Variants in FAM124B observed in about 807,000 individuals in gnomAD.
FAM124B encodes the protein family with sequence similarity 124 member B.
In FAM124B, 18 loss-of-function variants were observed where a neutral mutation model predicts 19.7. That is an observed-to-expected ratio of 0.92 (90% CI 0.63 to 1.36). The LOEUF (loss-of-function observed/expected upper bound fraction) is 1.36, where lower values mean the gene tolerates loss of function less well. Among genes scored for constraint, FAM124B ranks in the 40% most tolerant of loss-of-function variants. The pLI, the probability that FAM124B is intolerant of heterozygous loss-of-function variation, is 0.00. For missense variants in FAM124B, 540 were observed against 553.3 expected, an observed-to-expected ratio of 0.98 and a Z score of 0.24; for synonymous variants, 223 against 225.2, an observed-to-expected ratio of 0.99 and a Z score of 0.09.
chr2:224,400,419 T>C lies in FAM124B; in HGVS notation c.732+618A>G, dbSNP rs970948826. 1.0e-5 allele frequency: 7 copies of C among 693,240 alleles called. No homozygotes were observed. In the African/African-American group the frequency reaches 1.1e-4, roughly 10 times the overall value. 42.9% of individuals were successfully genotyped at this position (693,240 alleles called of 1,614,324 possible). Reference sequence around the variant, plus strand: ...TAATCAGGAGGCTAAGGCAGGAGGATCACTTGAACCCAGAAGGTGAAGACC... The same window carrying C: ...TAATCAGGAGGCTAAGGCAGGAGGACCACTTGAACCCAGAAGGTGAAGACC... On this transcript the variant is annotated intron_variant, in intron 1 of 1. Transcript: ENST00000409685.
chr2:224,384,086 G>C (rs914330580), intron 1 of FAM124B, among the ~76,000 whole-genome samples: 2 of 152,146 alleles, frequency 1.3e-5, no homozygotes, highest in African/African-American at 4.8e-5. Context: ...CCAGTGCCGA[G>C]ACATCTCAGG....
In FAM124B at chr2:224,393,299, G is replaced by A. The variant is rs114106938; in HGVS notation, c.732+7738C>T. On this transcript the variant is annotated intron_variant, in intron 1 of 1. Coordinates refer to ENST00000409685, the MANE Select transcript of FAM124B (RefSeq NM_001122779.2). ...CATCCCTATGATTAAGTCAGGAAAAGCCTCCAGAATGGATGGCCGGCAACC... is the reference window on the plus strand; with the variant it reads ...CATCCCTATGATTAAGTCAGGAAAAACCTCCAGAATGGATGGCCGGCAACC... Among the ~76,000 whole-genome samples, 384 of 152,308 alleles carry A rather than the reference G, an allele frequency of 2.5e-3. 4 individuals carry two copies. The highest frequency in any genetic ancestry group is 8.9e-3 in the African/African-American group (372 of 41,574).
intron 1 of FAM124B, among the ~76,000 whole-genome samples, chr2:224,385,984 C>T (rs1208334687): frequency 6.6e-6 from 1 of 152,192 alleles, no homozygotes; most frequent in Non-Finnish European, 1.5e-5. Flanking sequence ...TCTCCACTCC[C>T]CTGCCAGAGG....
intron 1 of FAM124B, among the ~76,000 whole-genome samples, chr2:224,388,510 C>T (rs762692204): frequency 4.0e-5 from 6 of 151,804 alleles, no homozygotes; most frequent in Non-Finnish European, 7.4e-5. Flanking sequence ...TATGAGGTAC[C>T]AAGAATAGGC....
At chr2:224,390,800 A>C (rs1487371591) in intron 1 of FAM124B, among the ~76,000 whole-genome samples, 2 of 150,408 alleles carry the variant, frequency 1.3e-5, no homozygotes, top group Admixed American at 6.6e-5. Flanking sequence ...TCCCGGGTTC[A>C]CGCCATTCTC....
chr2:224,385,168 T>G (rs1689783857), intron 1 of FAM124B, among the ~76,000 whole-genome samples: 1 of 152,194 alleles, frequency 6.6e-6, no homozygotes, highest in Non-Finnish European at 1.5e-5. Flanking sequence ...CTTTACTGTC[T>G]GCCTCTTCTT....
chr2:224,387,009 A>C (rs966481409), intron 1 of FAM124B, among the ~76,000 whole-genome samples: 8 of 152,208 alleles, frequency 5.3e-5, no homozygotes, highest in Non-Finnish European at 1.2e-4. Flanking sequence ...TAAGATCCTT[A>C]AAGCAGAGGG....
In FAM124B at chr2:224,380,128, A is replaced by T; in HGVS notation, c.813T>A (p.Ser271=). The change falls in exon 2 of 2, where the codon TCT becomes TCA. Residue 271 remains serine, a synonymous_variant. Transcript: ENST00000409685. ...GTTCTGAGGTCCTCTTTGCAGAGAC[A>T]GAAGTCAGCCTGGAGCCCAGGGGAA... The part of the protein sequence containing the change: ...GMLPLGSRLT[S]VSAKRTSEPR... 6.4e-7 allele frequency: 1 copy of T among 1,551,728 alleles called. No individual in the cohort carries two copies. The highest frequency in any genetic ancestry group is 1.2e-5 in the South Asian group (1 of 84,056).
intron 1 of FAM124B, among the ~76,000 whole-genome samples, chr2:224,381,052 T>C (rs925448168): frequency 6.6e-6 from 1 of 152,190 alleles, no homozygotes; most frequent in African/African-American, 2.4e-5. Context: ...AAAGGCAATT[T>C]TTTCCATTTT....
intron 1 of FAM124B, among the ~76,000 whole-genome samples, chr2:224,381,648 G>A (rs927221057): frequency 2.6e-5 from 4 of 152,084 alleles, no homozygotes; most frequent in South Asian, 4.2e-4. Flanking sequence ...CAGAATGTAC[G>A]ACACCAAGAA....
At chr2:224,383,693 A>T (rs1689759563) in intron 1 of FAM124B, among the ~76,000 whole-genome samples, 2 of 152,184 alleles carry the variant, frequency 1.3e-5, no homozygotes, top group Non-Finnish European at 2.9e-5. Flanking sequence ...ATCAGGAGGA[A>T]AAAATACTAT....
chr2:224,401,392 C>A lies in FAM124B; in HGVS notation c.377G>T (p.Trp126Leu), dbSNP rs146039940. The A allele has an allele frequency of 1.5e-5, 24 of 1,614,116 alleles. No homozygotes were observed. Among genetic ancestry groups the A allele is most frequent in the African/African-American group, 6.7e-5 (5 of 75,016 alleles). ...FYSLDSQLPI[W>L]GVRQVHCGSE... ...GCCACAGTGCACCTGCCTCACCCCC[C>A]AGATGGGCAGCTGACTGTCCAGGCT... Residue 126 changes from tryptophan (W) to leucine (L), a missense_variant, in exon 1 of 2, where the codon TGG (tryptophan) becomes TTG (leucine). Transcript: ENST00000409685.
chr2:224,393,386 C>G (rs541651070), intron 1 of FAM124B, among the ~76,000 whole-genome samples: 3 of 152,328 alleles, frequency 2.0e-5, no homozygotes, highest in African/African-American at 7.2e-5. Flanking sequence ...TGTTCTGTTA[C>G]TTATCTGTCC....
At position 224,401,968 on chromosome 2, in the gene FAM124B, C is replaced by T. The variant is rs1298626830; in HGVS notation, c.-200G>A. The T allele has an allele frequency of 1.4e-5, 8 of 588,712 alleles. No homozygotes were observed. The highest frequency in any genetic ancestry group is 1.9e-5 in the African/African-American group (1 of 53,956). 36.5% of individuals were successfully genotyped at this position (588,712 alleles called of 1,614,324 possible). ...GACTTACGGCAAGAGAAGCTCACAC[C>T]AGCTCGGGTTCAGCAGCCTCCCTCT... On this transcript the variant is annotated 5_prime_UTR_variant, in exon 1 of 2. Coordinates refer to ENST00000409685, the MANE Select transcript of FAM124B (RefSeq NM_001122779.2).
intron 1 of FAM124B, chr2:224,400,280 C>T (rs1480032620): frequency 1.9e-6 from 1 of 513,878 alleles, no homozygotes. Flanking sequence ...AAAATTAAGT[C>T]AATAGTACTG....
rs540535374 is a variant in FAM124B, at chr2:224,400,702, T to C, written c.732+335A>G. Among the ~76,000 whole-genome samples the C allele has an allele frequency of 7.2e-5, 11 of 152,280 alleles. No homozygotes were observed. In the East Asian group the frequency reaches 2.1e-3, roughly 29 times the overall value. On this transcript the variant is annotated intron_variant, in intron 1 of 1. Coordinates refer to ENST00000409685, the MANE Select transcript of FAM124B (RefSeq NM_001122779.2). ...GATTCTTTAATAGGATTCTGATCTT[T>C]ATAGTAGAATCCTGTCTGATTCTAC...
chr2:224,381,181 C>T (rs1211668760), intron 1 of FAM124B, among the ~76,000 whole-genome samples: 2 of 152,128 alleles, frequency 1.3e-5, no homozygotes, highest in Non-Finnish European at 2.9e-5. Flanking sequence ...CTGAAAGAAG[C>T]CTATCTGGGC....
At position 224,379,461 on chromosome 2, in the gene FAM124B, G is replaced by T; in HGVS notation, c.*112C>A. ...AAAATCAATACAGATTGTGCATGGG[G>T]AGCATTCAGCCCCCCTCAGATGAAC... On this transcript the variant is annotated 3_prime_UTR_variant, in exon 2 of 2. Coordinates refer to ENST00000409685, the MANE Select transcript of FAM124B (RefSeq NM_001122779.2). 2 of 1,316,662 alleles carry T rather than the reference G, an allele frequency of 1.5e-6. No homozygotes were observed. The highest frequency in any genetic ancestry group is 2.0e-6 in the Non-Finnish European group (2 of 987,226). 81.6% of individuals were successfully genotyped at this position (1,316,662 alleles called of 1,614,324 possible). A position where few individuals can be genotyped will look rare whatever the true frequency, so the allele number is the denominator to read the frequency against.
At position 224,379,580 on chromosome 2, in the gene FAM124B, A is replaced by T. The variant is rs879680851; in HGVS notation, c.1361T>A (p.Phe454Tyr). ...AACCACATTTATTTTATGCTATATA[A>T]AGAATTCTTCTTCATCTTCTTCTTT... ...EEKEEDEEEF[F>Y]I Residue 454 changes from phenylalanine to tyrosine, a missense_variant, in exon 2 of 2, where the codon TTT becomes TAT. Coordinates refer to ENST00000409685, the MANE Select transcript of FAM124B (RefSeq NM_001122779.2). 6.5e-7 allele frequency: 1 copy of T among 1,536,788 alleles called. No homozygotes were observed. The highest frequency in any genetic ancestry group is 1.4e-5 in the African/African-American group (1 of 72,196).
Sources: gnomAD v4.1 joint callset for allele counts (sites outside exome capture counted in the v4.1 genomes callset) on GRCh38, gnomAD v4.1.1 for gene constraint, MANE v1.5 for transcripts, NCBI Gene and HGNC (gene_info 2026-07-23, HGNC 2026-07-21) for gene names.